The following AHCYL2 variants were observed in gnomAD, a reference collection of about 807,000 sequenced individuals.
The protein encoded by AHCYL2 is adenosylhomocysteinase like 2.
AHCYL2 carries 28 observed loss-of-function variants against 81.4 expected under a neutral mutation model. The ratio of observed to expected loss-of-function variants is 0.34; its 90% CI spans 0.25 to 0.47. AHCYL2 has a LOEUF of 0.47. Ranked by LOEUF, AHCYL2 falls within the 20% of genes least tolerant of loss-of-function variation. The pLI is 1.00. For synonymous variants in AHCYL2, 272 were observed against 290.2 expected, an observed-to-expected ratio of 0.94 and a Z score of 0.64; for missense variants, 551 against 785.1, an observed-to-expected ratio of 0.70 and a Z score of 3.56.
At chr7:129,276,154 G>C (rs1258903893) in intron 1 of AHCYL2, among the ~76,000 whole-genome samples, 1 of 151,970 alleles carries the variant, frequency 6.6e-6, no homozygotes, top group East Asian at 1.9e-4. Flanking sequence ...AATAATAATG[G>C]AAATTATAAG....
intron 1 of AHCYL2, among the ~76,000 whole-genome samples, chr7:129,228,270 A>G (rs1328077457): frequency 1.3e-5 from 2 of 152,196 alleles, no homozygotes; most frequent in African/African-American, 4.8e-5. Context: ...CTTCATTCAC[A>G]TATCATCAGT....
intron 1 of AHCYL2, among the ~76,000 whole-genome samples, chr7:129,346,828 T>C (rs1793378331): frequency 6.6e-6 from 1 of 152,166 alleles, no homozygotes; most frequent in Non-Finnish European, 1.5e-5. Flanking sequence ...AAAAACCTGC[T>C]CACAGGTGTT....
At chr7:129,391,675 T>C (rs1795477117) in intron 4 of AHCYL2, among the ~76,000 whole-genome samples, 1 of 152,230 alleles carries the variant, frequency 6.6e-6, no homozygotes, top group African/African-American at 2.4e-5. Flanking sequence ...TGGGGATTCA[T>C]AAGATCTGGG....
intron 1 of AHCYL2, among the ~76,000 whole-genome samples, chr7:129,355,819 A>G (rs979917362): frequency 4.6e-5 from 7 of 152,132 alleles, no homozygotes; most frequent in African/African-American, 1.7e-4. Context: ...AATTATGGTT[A>G]TGTTTGATTG....
chr7:129,269,137 T>G (rs1173256194), intron 1 of AHCYL2, among the ~76,000 whole-genome samples: 15 of 151,716 alleles, frequency 9.9e-5, no homozygotes, highest in Admixed American at 3.3e-4. Flanking sequence ...TCCTGTTTTT[T>G]TTTTTTTTTC....
At chr7:129,287,771 G>A (rs1365238716) in intron 1 of AHCYL2, among the ~76,000 whole-genome samples, 5 of 152,156 alleles carry the variant, frequency 3.3e-5, no homozygotes, top group Non-Finnish European at 2.9e-5. Flanking sequence ...TTTATGTAGA[G>A]CTCCTTCTCC....
At chr7:129,418,009 T>A (rs1356398949) in intron 12 of AHCYL2, among the ~76,000 whole-genome samples, 1 of 152,108 alleles carries the variant, frequency 6.6e-6, no homozygotes, top group African/African-American at 2.4e-5. Flanking sequence ...AAAACCTGAA[T>A]GAAATAAAGG....
At chr7:129,253,636 G>A (rs138665479) in intron 1 of AHCYL2, among the ~76,000 whole-genome samples, 1,793 of 152,208 alleles carry the variant, frequency 0.012, 15 homozygotes, top group Non-Finnish European at 0.019. Flanking sequence ...TTTTGAGACA[G>A]GATCTCACTC....
At chr7:129,393,343 G>C (rs1033760419) in intron 4 of AHCYL2, among the ~76,000 whole-genome samples, 1 of 152,158 alleles carries the variant, frequency 6.6e-6, no homozygotes, top group Non-Finnish European at 1.5e-5. Flanking sequence ...GATTGAGCCC[G>C]AAAGGTCGAG....
intron 1 of AHCYL2, among the ~76,000 whole-genome samples, chr7:129,268,585 C>T (rs1374519186): frequency 6.6e-6 from 1 of 152,118 alleles, no homozygotes; most frequent in Non-Finnish European, 1.5e-5. Context: ...AGATCCTGAC[C>T]TTAGGATCCA....
At chr7:129,339,916 C>CTTTTTTT (rs774989478) in intron 1 of AHCYL2, among the ~76,000 whole-genome samples, 6 of 104,536 alleles carry the variant, frequency 5.7e-5, no homozygotes, top group Admixed American at 1.2e-4. Context: ...TTCCTCTGCT[C>CTTTTTTT]TTTTTTTTTT....
chr7:129,266,577 A>G (rs768694414), intron 1 of AHCYL2, among the ~76,000 whole-genome samples: 6 of 152,222 alleles, frequency 3.9e-5, no homozygotes, highest in Non-Finnish European at 8.8e-5. Context: ...GAACTAAAGT[A>G]TCTCACTGAG....
chr7:129,252,706 G>A (rs1224004436), intron 1 of AHCYL2, among the ~76,000 whole-genome samples: 1 of 152,150 alleles, frequency 6.6e-6, no homozygotes, highest in Non-Finnish European at 1.5e-5. Context: ...GTTTGAGGCT[G>A]CAGTGAGCTA....
intron 12 of AHCYL2, among the ~76,000 whole-genome samples, chr7:129,416,357 A>G (rs1796847480): frequency 6.6e-6 from 1 of 152,238 alleles, no homozygotes; most frequent in African/African-American, 2.4e-5. Flanking sequence ...CTTATATCAT[A>G]GTGAGAAGAA....
rs919168065 is a variant in AHCYL2 at position 129,292,216 on chromosome 7, T to A, written c.363+66777T>A. Among the ~76,000 whole-genome samples the A allele has an allele frequency of 7.2e-5, 11 of 152,326 alleles. No individual in the cohort carries two copies. The East Asian group carries it at 2.1e-3, about 29-fold the overall frequency. ...CTTGTTTTGTGTGGTTATAAACAGG[T>A]TCATAACATTCTCATACATGAGTCC... On this transcript the variant is annotated intron_variant, in intron 1 of 16. Coordinates refer to ENST00000325006, the MANE Select transcript of AHCYL2 (RefSeq NM_015328.4).
At chr7:129,352,730 C>T (rs76532962) in intron 1 of AHCYL2, among the ~76,000 whole-genome samples, 85 of 152,222 alleles carry the variant, frequency 5.6e-4, no homozygotes, top group Non-Finnish European at 1.0e-3. Context: ...CATCATCTTG[C>T]ACTTGATCTC....
chr7:129,263,581 AGAGAAAC>A (rs1795716763), intron 1 of AHCYL2, among the ~76,000 whole-genome samples: 1 of 152,252 alleles, frequency 6.6e-6, no homozygotes, highest in Non-Finnish European at 1.5e-5. Flanking sequence ...AGTTGTAGGC[AGAGAAAC>A]GAGAGACAAG....
At chr7:129,389,366 C>A in intron 3 of AHCYL2, among the ~76,000 whole-genome samples, 167 bp downstream of exon 3, 1 of 131,668 alleles carries the variant, frequency 7.6e-6, no homozygotes. Context: ...TCTGGCAAGT[C>A]TAGAAGGAAC....
At chr7:129,234,071 G>A (rs938731846) in intron 1 of AHCYL2, among the ~76,000 whole-genome samples, 1 of 150,568 alleles carries the variant, frequency 6.6e-6, no homozygotes, top group Non-Finnish European at 1.5e-5. Flanking sequence ...TTCTTCAAGA[G>A]ATGAAGTCTC....
Sources: gnomAD v4.1 joint callset for allele counts (sites outside exome capture counted in the v4.1 genomes callset) on GRCh38, gnomAD v4.1.1 for gene constraint, MANE v1.5 for transcripts, NCBI Gene and HGNC (gene_info 2026-07-23, HGNC 2026-07-21) for gene names.